Variants in NCR1 observed in about 807,000 individuals in gnomAD.
NCR1 encodes natural cytotoxicity triggering receptor 1, also known as NK cell-activating receptor.
A neutral mutation model predicts 32.5 loss-of-function variants in NCR1; 30 were observed. That is an observed-to-expected ratio of 0.92 (90% CI 0.69 to 1.25). NCR1 has a LOEUF of 1.25. Among genes scored for constraint, NCR1 ranks in the 50% most tolerant of loss-of-function variants. The pLI, the probability that NCR1 is intolerant of heterozygous loss-of-function variation, is 0.00. For missense variants in NCR1, 369 were observed against 380.7 expected (o/e 0.97, Z 0.26); for synonymous variants, 169 against 143.4 (o/e 1.18, Z -1.28).
chr19:54,935,130 G>GC, the NCR1 span, among the ~76,000 whole-genome samples: 1 of 152,220 alleles, frequency 6.6e-6, no homozygotes, highest in South Asian at 2.1e-4. Flanking sequence ...TATCCCCATG[G>GC]CCATTAGGGT....
chr19:54,922,262 T>C, the NCR1 span, among the ~76,000 whole-genome samples: 2,104 of 152,260 alleles, frequency 0.014, 99 homozygotes, highest in East Asian at 0.11. Flanking sequence ...GGTCAGTCCC[T>C]TTTGGCAGCG....
intron 4 of NCR1, among the ~76,000 whole-genome samples, chr19:54,909,764 G>A (rs911086019): frequency 4.6e-5 from 7 of 151,540 alleles, no homozygotes; most frequent in Non-Finnish European, 8.8e-5. Flanking sequence ...GTGAAACCCC[G>A]TCTCTACTAA....
chr19:54,908,289 G>C (rs2067741154), intron 3 of NCR1, among the ~76,000 whole-genome samples: 1 of 152,134 alleles, frequency 6.6e-6, no homozygotes, highest in Non-Finnish European at 1.5e-5. Flanking sequence ...ATGTTTCAGA[G>C]AGCACGGGGT....
At chr19:54,908,577 C>T (rs972641663) in intron 3 of NCR1, among the ~76,000 whole-genome samples, 1 of 151,852 alleles carries the variant, frequency 6.6e-6, no homozygotes, top group African/African-American at 2.4e-5. Context: ...GCAGAGGCGC[C>T]CCCCCACCTC....
upstream of NCR1, among the ~76,000 whole-genome samples, chr19:54,903,806 T>G (rs587702175): frequency 7.9e-5 from 12 of 151,394 alleles, no homozygotes; most frequent in South Asian, 2.5e-3. Context: ...TTTTATTAAG[T>G]GGAGAGTTAG....
At chr19:54,920,285 G>A (rs528192058), downstream of NCR1, among the ~76,000 whole-genome samples, 12 of 152,230 alleles carry the variant, frequency 7.9e-5, no homozygotes, top group Admixed American at 5.2e-4. Context: ...GCCACATCCC[G>A]AGAGGTTTTT....
chr19:54,934,268 GGT>G, the NCR1 span, among the ~76,000 whole-genome samples: 1 of 152,130 alleles, frequency 6.6e-6, no homozygotes, highest in Non-Finnish European at 1.5e-5. The surrounding 1 kb of genome is among the most constrained non-coding windows in gnomAD (Gnocchi z 6.7). Context: ...ATAGAAACAG[GGT>G]TTCACCATGT....
the NCR1 span, chr19:54,934,493 A>G: frequency 6.2e-7 from 1 of 1,614,132 alleles, no homozygotes; most frequent in South Asian, 1.1e-5. This position sits in a 1 kb window ranked among gnomAD's most constrained non-coding sequence, Gnocchi z 6.7. Context: ...ACTTACGACA[A>G]CATCTGCAGG....
At chr19:54,934,709 C>A in the NCR1 span, 3 of 1,471,844 alleles carry the variant, frequency 2.0e-6, no homozygotes, top group Admixed American at 2.3e-5. This position sits in a 1 kb window ranked among gnomAD's most constrained non-coding sequence, Gnocchi z 6.7. Flanking sequence ...AGAGTATACC[C>A]TATCAGCTTT....
chr19:54,936,421 C>T, the NCR1 span: 86 of 1,613,908 alleles, frequency 5.3e-5, no homozygotes, highest in African/African-American at 7.3e-4. Flanking sequence ...TCAGGGGTGA[C>T]GTTTTTAATC....
At chr19:54,900,462 C>T in the NCR1 span, among the ~76,000 whole-genome samples, 2 of 152,184 alleles carry the variant, frequency 1.3e-5, no homozygotes, top group Non-Finnish European at 1.5e-5. Context: ...AATGTCATCA[C>T]TTAAGGCAAG....
the NCR1 span, chr19:54,927,886 G>A: frequency 2.2e-6 from 2 of 895,966 alleles, no homozygotes; most frequent in African/African-American, 3.3e-5. Context: ...GAGGCCAGGT[G>A]TTCGAGACCA....
At chr19:54,903,648 C>T (rs1569535721), upstream of NCR1, among the ~76,000 whole-genome samples, 1 of 133,664 alleles carries the variant, frequency 7.5e-6, no homozygotes, top group Admixed American at 8.3e-5. Flanking sequence ...TATATATACA[C>T]ATATATGTAT....
At chr19:54,930,586 A>G in the NCR1 span, 2 of 1,611,686 alleles carry the variant, frequency 1.2e-6, no homozygotes, top group Non-Finnish European at 1.7e-6. Flanking sequence ...ACTCAAGTCC[A>G]GGTTTGTGAG....
chr19:54,935,577 C>A, the NCR1 span, among the ~76,000 whole-genome samples: 2 of 128,604 alleles, frequency 1.6e-5, no homozygotes, highest in African/African-American at 3.1e-5. Flanking sequence ...ACGCCTGTAA[C>A]CCCAGCTACT....
the NCR1 span, among the ~76,000 whole-genome samples, chr19:54,930,023 G>A: frequency 1.3e-5 from 2 of 150,222 alleles, no homozygotes; most frequent in Non-Finnish European, 3.0e-5. Flanking sequence ...GCTGAGGCAG[G>A]AGAATAGCGA....
chr19:54,920,945 T>G (rs1416256012), downstream of NCR1, among the ~76,000 whole-genome samples: 4 of 151,818 alleles, frequency 2.6e-5, no homozygotes, highest in Non-Finnish European at 5.9e-5. Flanking sequence ...GCCACTGCAC[T>G]CCAGCCTAGG....
the NCR1 span, chr19:54,934,751 C>T: frequency 1.3e-5 from 14 of 1,100,516 alleles, no homozygotes; most frequent in South Asian, 1.9e-4. The surrounding 1 kb of genome is among the most constrained non-coding windows in gnomAD (Gnocchi z 6.7). Flanking sequence ...ACTCTGTTGC[C>T]CAGTCTGGAA....
intron 3 of NCR1, 102 bp downstream of exon 3, chr19:54,906,909 C>T: frequency 3.6e-6 from 5 of 1,377,346 alleles, no homozygotes; most frequent in Non-Finnish European, 5.0e-6. Flanking sequence ...CTGCTTGTCT[C>T]GGTAGGAGGC....
Sources: gnomAD v4.1 joint callset for allele counts (sites outside exome capture counted in the v4.1 genomes callset) on GRCh38, gnomAD v4.1.1 for gene constraint, Gnocchi (gnomAD v3.1) non-coding constraint, MANE v1.5 for transcripts, NCBI Gene and HGNC (gene_info 2026-07-23, HGNC 2026-07-21) for gene names.